The following SORCS3 variants were observed in gnomAD, a reference collection of about 807,000 sequenced individuals.
SORCS3 encodes VPS10 domain-containing receptor SorCS3.
SORCS3 carries 57 observed loss-of-function variants against 146.3 expected under a neutral mutation model. That is an observed-to-expected ratio of 0.39 (90% CI 0.31 to 0.49). SORCS3 has a LOEUF of 0.49. SORCS3 is among the 20% of genes least tolerant of loss of function. The pLI is 0.92. For missense variants in SORCS3, 1,341 were observed against 1,575.5 expected (o/e 0.85, Z 2.52); for synonymous variants, 653 against 618.5 (o/e 1.06, Z -0.83).
chr10:105,208,891 C>G (rs1053265037), intron 16 of SORCS3, among the ~76,000 whole-genome samples: 1 of 152,076 alleles, frequency 6.6e-6, no homozygotes, highest in Admixed American at 6.6e-5. Flanking sequence ...GAAGCCTTGA[C>G]CAAAACATTT....
At chr10:105,153,712 C>A (rs370048444) in intron 9 of SORCS3, among the ~76,000 whole-genome samples, 1 of 151,574 alleles carries the variant, frequency 6.6e-6, no homozygotes, top group South Asian at 2.1e-4. Flanking sequence ...GGTAACTCAT[C>A]GCAGGTGTGA....
At chr10:105,183,136 G>T (rs1167312340) in intron 14 of SORCS3, among the ~76,000 whole-genome samples, 1 of 152,218 alleles carries the variant, frequency 6.6e-6, no homozygotes, top group Non-Finnish European at 1.5e-5. Context: ...AGTGTGAGCA[G>T]ACATGGAGTG....
At chr10:104,781,107 A>G (rs1362192749) in intron 1 of SORCS3, among the ~76,000 whole-genome samples, 2 of 152,102 alleles carry the variant, frequency 1.3e-5, no homozygotes, top group African/African-American at 4.8e-5. Flanking sequence ...ATGATAGACA[A>G]CTCTGTAGGC....
chr10:104,985,189 T>A (rs2054955229), intron 4 of SORCS3, among the ~76,000 whole-genome samples: 1 of 152,184 alleles, frequency 6.6e-6, no homozygotes, highest in Non-Finnish European at 1.5e-5. Context: ...TGATAAATCT[T>A]GCTTTATCAA....
chr10:105,152,236 T>A lies in SORCS3; in HGVS notation c.1482+4440T>A, dbSNP rs533876700. ...ATAACCACAGCATACCTGGCAATGC[T>A]TTAGACCAGCACTGTCAAATACATA... On this transcript the variant is annotated intron_variant, in intron 9 of 26. Coordinates refer to ENST00000369701, the MANE Select transcript of SORCS3 (RefSeq NM_014978.3). 5.3e-5 allele frequency among the ~76,000 whole-genome samples: 8 copies of A among 152,318 alleles called. No homozygotes were observed. The South Asian group carries it at 1.7e-3, about 32-fold the overall frequency.
At chr10:105,151,152 A>T (rs2119477506) in intron 9 of SORCS3, among the ~76,000 whole-genome samples, 1 of 152,320 alleles carries the variant, frequency 6.6e-6, no homozygotes, top group East Asian at 1.9e-4. Context: ...TTACAAAAGA[A>T]TAATTCTAAC....
intron 1 of SORCS3, among the ~76,000 whole-genome samples, chr10:104,746,676 C>T (rs777993344): frequency 3.3e-5 from 5 of 152,270 alleles, no homozygotes; most frequent in Non-Finnish European, 7.4e-5. Flanking sequence ...CCACCCGCTC[C>T]CCCAGGTTCT....
intron 14 of SORCS3, among the ~76,000 whole-genome samples, chr10:105,188,562 T>A (rs183030990): frequency 6.6e-6 from 1 of 152,272 alleles, no homozygotes; most frequent in East Asian, 1.9e-4. Flanking sequence ...GAGGTAAGAA[T>A]GGGAAATAGA....
chr10:105,201,048 C>A, intron 15 of SORCS3, 72 bp from the exon 16 acceptor site: 1 of 1,548,948 alleles, frequency 6.5e-7, no homozygotes. Flanking sequence ...GCTAATGCTT[C>A]TTGTTGACAA....
At chr10:104,721,619 T>A (rs1218915956) in intron 1 of SORCS3, among the ~76,000 whole-genome samples, 1 of 152,200 alleles carries the variant, frequency 6.6e-6, no homozygotes, top group Middle Eastern at 3.2e-3. Flanking sequence ...GCATGGAATG[T>A]TCTTCCATTT....
At chr10:105,184,732 T>G (rs1229400723) in intron 14 of SORCS3, among the ~76,000 whole-genome samples, 1 of 152,234 alleles carries the variant, frequency 6.6e-6, no homozygotes, top group East Asian at 1.9e-4. Context: ...TGTACAACCA[T>G]GACCATCACC....
intron 13 of SORCS3, among the ~76,000 whole-genome samples, chr10:105,170,934 C>G (rs553712115): frequency 1.3e-5 from 2 of 152,052 alleles, no homozygotes; most frequent in African/African-American, 2.4e-5. Context: ...TAAGTGACAA[C>G]CCTCAAGGTA....
At chr10:104,689,752 C>T (rs1480292232) in intron 1 of SORCS3, among the ~76,000 whole-genome samples, 1 of 152,150 alleles carries the variant, frequency 6.6e-6, no homozygotes, top group Non-Finnish European at 1.5e-5. Context: ...ATATACCCAA[C>T]ACCTGGCCCA....
chr10:104,805,940 C>G (rs1266524311), intron 1 of SORCS3, among the ~76,000 whole-genome samples: 1 of 151,922 alleles, frequency 6.6e-6, no homozygotes, highest in Non-Finnish European at 1.5e-5. Flanking sequence ...TTTGTAAACC[C>G]CTATGTCAGA....
intron 2 of SORCS3, among the ~76,000 whole-genome samples, chr10:104,904,721 G>A (rs927840553): frequency 6.6e-6 from 1 of 151,294 alleles, no homozygotes; most frequent in African/African-American, 2.4e-5. Flanking sequence ...ACACACAAGA[G>A]TTAAAGAAAA....
intron 1 of SORCS3, 87 bp from the exon 2 acceptor site, chr10:104,842,705 T>G: frequency 2.0e-6 from 2 of 990,420 alleles, no homozygotes; most frequent in Non-Finnish European, 3.2e-6. Context: ...AGGAGATGCA[T>G]TATATATTGT....
intron 1 of SORCS3, among the ~76,000 whole-genome samples, chr10:104,728,425 A>G (rs2034634620): frequency 6.6e-6 from 1 of 152,188 alleles, no homozygotes; most frequent in African/African-American, 2.4e-5. Context: ...AAGACTGAGA[A>G]TTAACTTGGT....
At chr10:104,985,390 T>C (rs1267404874) in intron 4 of SORCS3, among the ~76,000 whole-genome samples, 1 of 152,168 alleles carries the variant, frequency 6.6e-6, no homozygotes, top group African/African-American at 2.4e-5. Context: ...CTTATAATTC[T>C]ACTATTCTTG....
Position 105,240,964 on chromosome 10 carries a change from C to A in SORCS3, c.2869-4578C>A, listed in dbSNP as rs573839810. ...CTGAAAAAAATATATATATATATAT[C>A]TATATCTATATCTATATATATCTCA... On this transcript the variant is annotated intron_variant, in intron 20 of 26. Coordinates refer to ENST00000369701, the MANE Select transcript of SORCS3 (RefSeq NM_014978.3). 5.2e-4 allele frequency among the ~76,000 whole-genome samples: 79 copies of A among 150,684 alleles called. No individual in the cohort carries two copies. In the South Asian group the frequency reaches 8.0e-3, roughly 15 times the overall value.
Sources: allele counts gnomAD v4.1 joint callset (sites outside exome capture counted in the v4.1 genomes callset), GRCh38; gene constraint gnomAD v4.1.1; transcripts MANE v1.5; gene names NCBI Gene and HGNC (gene_info 2026-07-23, HGNC 2026-07-21).